Variants in ADRA1D observed in about 807,000 individuals in gnomAD.
ADRA1D encodes alpha-1D adrenergic receptor.
A neutral mutation model predicts 18.6 loss-of-function variants in ADRA1D; 22 were observed. The ratio of observed to expected loss-of-function variants is 1.19; its 90% CI spans 0.85 to 1.69. The LOEUF (loss-of-function observed/expected upper bound fraction) is 1.69. Ranked by LOEUF, ADRA1D falls within the 40% of genes most tolerant of loss-of-function variation. The probability of loss-of-function intolerance (pLI) is 0.00; values close to 1 mark genes in which losing one functional copy is unlikely to be tolerated. For synonymous variants in ADRA1D, 376 were observed against 388.2 expected, an observed-to-expected ratio of 0.97 and a Z score of 0.37; for missense variants, 840 against 840.7, an observed-to-expected ratio of 1.00 and a Z score of 0.01.
intron 1 of ADRA1D, among the ~76,000 whole-genome samples, chr20:4,227,549 C>T (rs1169430598): frequency 6.6e-6 from 1 of 152,078 alleles, no homozygotes; most frequent in South Asian, 2.1e-4. Context: ...TCATCCATCA[C>T]CAACTCCTGT....
chr20:4,224,800 G>A (rs920104261), intron 1 of ADRA1D, among the ~76,000 whole-genome samples: 1 of 151,786 alleles, frequency 6.6e-6, no homozygotes, highest in South Asian at 2.1e-4. Flanking sequence ...CTACTGAGGA[G>A]GCAGAGGCAC....
intron 1 of ADRA1D, among the ~76,000 whole-genome samples, chr20:4,229,729 C>T (rs1017400992): frequency 6.6e-6 from 1 of 152,012 alleles, no homozygotes; most frequent in African/African-American, 2.4e-5. Flanking sequence ...AATGCGCCCT[C>T]CCACCCTGTC....
Position 4,248,726 on chromosome 20 carries a change from C to T in ADRA1D, c.232G>A (p.Gly78Ser). 3 of 1,547,810 alleles carry T rather than the reference C, an allele frequency of 1.9e-6. No homozygotes were observed. Among genetic ancestry groups the T allele is most frequent in the Non-Finnish European group, 2.6e-6 (3 of 1,146,110 alleles). The change falls in exon 1 of 2, where the codon GGC becomes AGC. Residue 78 changes from glycine to serine, a missense_variant. Gly to Ser is a moderately conservative substitution (Grantham distance 56). Transcript: ENST00000379453. ...SAGEPGSAGA[G>S]GDVNGTAAVG... is the part of the protein sequence containing the mutation. ...GCCGCCGTGCCATTCACGTCGCCGC[C>T]CGCGCCCGCGCTCCCCGGCTCCCCC...
Position 4,222,145 on chromosome 20 carries a change from G to T in ADRA1D, c.1112-15C>A. The T allele has an allele frequency of 6.2e-7, 1 of 1,610,668 alleles. No individual in the cohort carries two copies. Among genetic ancestry groups the T allele is most frequent in the South Asian group, 1.1e-5 (1 of 90,920 alleles). ...GAACAAGGAGCCTGTAGGGAGCAGA[G>T]ACCGATACTATTTAGCTGCTTGGGG... On this transcript the variant is annotated splice_polypyrimidine_tract_variant and intron_variant, in intron 1 of 1. Transcript: ENST00000379453. The surrounding 1 kb of genome is among the most constrained non-coding windows in gnomAD (Gnocchi z 4.3).
Position 4,221,388 on chromosome 20 carries a change from G to T in ADRA1D, c.*135C>A. 1 of 997,430 alleles carries T rather than the reference G, an allele frequency of 1.0e-6. No individual in the cohort carries two copies. The highest frequency in any genetic ancestry group is 1.5e-6 in the Non-Finnish European group (1 of 688,542). 61.8% of individuals were successfully genotyped at this position (997,430 alleles called of 1,614,324 possible). A position where few individuals can be genotyped will look rare whatever the true frequency, so the allele number is the denominator to read the frequency against. Reference sequence around the variant, plus strand: ...GCCTCAAGCTCTGCCCAGTTCCTCAGGGATGTCACAGAGCAGCTGCCCTGA... The same window carrying T: ...GCCTCAAGCTCTGCCCAGTTCCTCATGGATGTCACAGAGCAGCTGCCCTGA... On this transcript the variant is annotated 3_prime_UTR_variant, in exon 2 of 2. Coordinates refer to ENST00000379453, the MANE Select transcript of ADRA1D (RefSeq NM_000678.4).
At chr20:4,234,567 G>T (rs1350414339) in intron 1 of ADRA1D, among the ~76,000 whole-genome samples, 1 of 152,136 alleles carries the variant, frequency 6.6e-6, no homozygotes, top group African/African-American at 2.4e-5. Flanking sequence ...CTCCCACCCT[G>T]CCAGCAGGGC....
At position 4,221,738 on chromosome 20, in the gene ADRA1D, G is replaced by C; in HGVS notation, c.1504C>G (p.Pro502Ala). ...SAFREWRLLG[P>A]FRRPTTQLRA... ...AGCTGGGTCGTGGGTCTCCGGAACGGCCCCAGCAGCCTCCACTCGCGGAAG... is the reference window on the plus strand; with the variant it reads ...AGCTGGGTCGTGGGTCTCCGGAACGCCCCCAGCAGCCTCCACTCGCGGAAG... The change falls in exon 2 of 2, where the codon CCG becomes GCG. Residue 502 changes from proline to alanine, a missense_variant. Physicochemically the swap from Pro to Ala is conservative, Grantham distance 27. Transcript: ENST00000379453. The C allele has an allele frequency of 3.1e-6, 5 of 1,603,436 alleles. No homozygotes were observed. The highest frequency in any genetic ancestry group is 4.2e-6 in the Non-Finnish European group (5 of 1,177,312).
chr20:4,225,582 C>T (rs558176756), intron 1 of ADRA1D, among the ~76,000 whole-genome samples: 22 of 151,898 alleles, frequency 1.4e-4, no homozygotes, highest in East Asian at 5.8e-4. Context: ...CCATCATATT[C>T]GGCTACTTTT....
rs1275308447 is a variant in ADRA1D, at chr20:4,247,946, G to T, written c.1012C>A (p.Leu338Ile). The T allele has an allele frequency of 6.3e-7, 1 of 1,599,786 alleles. No individual in the cohort carries two copies. Among genetic ancestry groups the T allele is most frequent in the East Asian group, 2.3e-5 (1 of 43,930 alleles). The stretch of plus-strand genomic sequence containing the variant: ...GCTTTCTTCTCACGGGAGAACTTGA[G>T]CAGGCGCACGGAGAGCGAGCTGCGG... ...TFRSSLSVRL[L>I]KFSREKKAAK... Residue 338 changes from leucine to isoleucine, a missense_variant, in exon 1 of 2, where the codon CTC (leucine) becomes ATC (isoleucine). Coordinates refer to ENST00000379453, the MANE Select transcript of ADRA1D (RefSeq NM_000678.4).
In ADRA1D at chr20:4,229,351, A is replaced by G. The variant is rs112904411; in HGVS notation, c.1112-7221T>C. Among the ~76,000 whole-genome samples the G allele has an allele frequency of 3.6e-3, 552 of 152,328 alleles. 2 individuals are homozygous for G. Among genetic ancestry groups the G allele is most frequent in the African/African-American group, 0.012 (512 of 41,570 alleles). On this transcript the variant is annotated intron_variant, in intron 1 of 1. Coordinates refer to ENST00000379453, the MANE Select transcript of ADRA1D (RefSeq NM_000678.4). The stretch of plus-strand genomic sequence containing the variant: ...CTGGGGAAGACAGGAAATAAACAGG[A>G]TAAACAAGGAAAATGTAAAGGTATC...
chr20:4,221,044 C>T lies in ADRA1D; in HGVS notation c.*479G>A, dbSNP rs1980645573. The T allele has an allele frequency of 6.5e-6, 1 of 153,134 alleles. No homozygotes were observed. Among genetic ancestry groups the T allele is most frequent in the Admixed American group, 6.5e-5 (1 of 15,300 alleles). The allele number at this position is 153,134 out of a possible 1,614,324, so 9.5% of individuals were successfully genotyped here. On this transcript the variant is annotated 3_prime_UTR_variant, in exon 2 of 2. Transcript: ENST00000379453. The stretch of plus-strand genomic sequence containing the variant: ...TGGGTGGTGGTAGGTCCACTGGGTT[C>T]CTCCAGTTGGCAGTAAGAAGGAGAA...
rs1290870528 is a variant in ADRA1D, at chr20:4,225,431, T to TC, written c.1112-3302_1112-3301insG. 3.4e-5 allele frequency among the ~76,000 whole-genome samples: 5 copies of TC among 145,568 alleles called. No individual in the cohort carries two copies. In the East Asian group the frequency reaches 6.0e-4, roughly 17 times the overall value. ...GCTATTACTTTTTTTTTTCTTTCTTTTTTTTTTTTTTTTGAGACAGGGTTT... is the reference window on the plus strand; with the variant it reads ...GCTATTACTTTTTTTTTTCTTTCTTTCTTTTTTTTTTTTTGAGACAGGGTTT... On this transcript the variant is annotated intron_variant, in intron 1 of 1. Coordinates refer to ENST00000379453, the MANE Select transcript of ADRA1D (RefSeq NM_000678.4).
rs538237801 is a variant in ADRA1D, at chr20:4,245,417, A to G, written c.1111+2430T>C. Among the ~76,000 whole-genome samples the G allele has an allele frequency of 2.6e-5, 4 of 152,342 alleles. No homozygotes were observed. The East Asian group carries it at 7.7e-4, about 29-fold the overall frequency. The stretch of plus-strand genomic sequence containing the variant: ...CATCTGTATAAGAGTGATATACTCC[A>G]GATTTATCTCTGGCGAGGCAGGGAG... On this transcript the variant is annotated intron_variant, in intron 1 of 1. Transcript: ENST00000379453.
chr20:4,221,650 G>T lies in ADRA1D; in HGVS notation c.1592C>A (p.Ala531Glu). The T allele has an allele frequency of 1.9e-6, 3 of 1,612,732 alleles. No individual in the cohort carries two copies. Among genetic ancestry groups the T allele is most frequent in the Non-Finnish European group, 2.5e-6 (3 of 1,179,478 alleles). The change falls in exon 2 of 2, where the codon GCA becomes GAA. Residue 531 changes from alanine to glutamate, a missense_variant. Coordinates refer to ENST00000379453, the MANE Select transcript of ADRA1D (RefSeq NM_000678.4). ...IRAGGAQRAE[A>E]ACAQRSEVEA... ...CACCTCTGAGCGCTGGGCGCACGCT[G>T]CCTCTGCGCGCTGCGCGCCCCCGGC... is the stretch of plus-strand genomic sequence containing the variant.
chr20:4,222,028 G>T lies in ADRA1D; in HGVS notation c.1214C>A (p.Ser405Tyr). Residue 405 changes from serine to tyrosine, a missense_variant, in exon 2 of 2, where the codon TCC (serine) becomes TAC (tyrosine). Physicochemically the swap from Ser to Tyr is moderately radical, Grantham distance 144 (BLOSUM62 -2). Coordinates refer to ENST00000379453, the MANE Select transcript of ADRA1D (RefSeq NM_000678.4). The surrounding 1 kb of genome is among the most constrained non-coding windows in gnomAD (Gnocchi z 4.3). Reference sequence around the variant, plus strand: ...GAAGGCGCGCTTGAACTCGCGGCTGGAACAGGGGTAGATGAGCGGGTTCAC... The same window carrying T: ...GAAGGCGCGCTTGAACTCGCGGCTGTAACAGGGGTAGATGAGCGGGTTCAC... ...SCVNPLIYPC[S>Y]SREFKRAFLR... The T allele has an allele frequency of 1.2e-6, 2 of 1,609,434 alleles. No individual in the cohort carries two copies. Among genetic ancestry groups the T allele is most frequent in the Non-Finnish European group, 1.7e-6 (2 of 1,177,816 alleles).
intron 1 of ADRA1D, among the ~76,000 whole-genome samples, chr20:4,242,537 G>A (rs1486617912): frequency 6.6e-6 from 1 of 152,214 alleles, no homozygotes; most frequent in Non-Finnish European, 1.5e-5. Flanking sequence ...TCTAAGTCTG[G>A]GGGTGGTCAG....
Position 4,248,227 on chromosome 20 carries a change from C to T in ADRA1D, c.731G>A (p.Arg244His). The T allele has an allele frequency of 6.2e-7, 1 of 1,601,108 alleles. No homozygotes were observed. Among genetic ancestry groups the T allele is most frequent in the Non-Finnish European group, 8.5e-7 (1 of 1,174,192 alleles). The part of the protein sequence containing the change: ...GWKEPVPPDE[R>H]FCGITEEAGY... ...CGCCTCCTCGGTGATACCGCAGAAG[C>T]GCTCGTCAGGGGGCACGGGCTCCTT... Residue 244 changes from arginine to histidine, a missense_variant, in exon 1 of 2, where the codon CGC becomes CAC. Arg to His is a conservative substitution (Grantham distance 29). Transcript: ENST00000379453.
In ADRA1D at chr20:4,249,061, A is replaced by T. The variant is rs557202638; in HGVS notation, c.-104T>A. 3.6e-4 allele frequency: 325 copies of T among 910,286 alleles called. No homozygotes were observed. The highest frequency in any genetic ancestry group is 8.5e-4 in the Admixed American group (16 of 18,832). 56.4% of individuals were successfully genotyped at this position (910,286 alleles called of 1,614,324 possible). ...CGGGGCTCCAGATGCAGCTCCGCGC[A>T]CGGGTCCCGTCGGGGTCCTGCCCAA... On this transcript the variant is annotated 5_prime_UTR_variant, in exon 1 of 2. Transcript: ENST00000379453.
intron 1 of ADRA1D, among the ~76,000 whole-genome samples, chr20:4,245,129 G>C (rs1981305199): frequency 6.6e-6 from 1 of 152,224 alleles, no homozygotes; most frequent in Non-Finnish European, 1.5e-5. Flanking sequence ...CTCAAAGAAA[G>C]CAGTGGCCTT....
Sources: gnomAD v4.1 joint callset for allele counts (sites outside exome capture counted in the v4.1 genomes callset) on GRCh38, gnomAD v4.1.1 for gene constraint, Gnocchi (gnomAD v3.1) non-coding constraint, MANE v1.5 for transcripts, NCBI Gene and HGNC (gene_info 2026-07-23, HGNC 2026-07-21) for gene names.